The following TMEM132D variants were observed in gnomAD, a reference collection of about 807,000 sequenced individuals.
TMEM132D encodes mature OL transmembrane protein.
Under a neutral mutation model 62.3 loss-of-function variants are expected in TMEM132D, and 21 were observed. The ratio of observed to expected loss-of-function variants is 0.34; its 90% CI spans 0.24 to 0.49. The LOEUF (loss-of-function observed/expected upper bound fraction) is 0.49. TMEM132D is among the 20% of genes least tolerant of loss of function. The probability of loss-of-function intolerance (pLI) is 0.99; values close to 1 mark genes in which losing one functional copy is unlikely to be tolerated. For missense variants in TMEM132D, 1,346 were observed against 1,402.8 expected, an observed-to-expected ratio of 0.96 and a Z score of 0.65; for synonymous variants, 621 against 575.6, an observed-to-expected ratio of 1.08 and a Z score of -1.13.
chr12:129,095,904 A>G (rs150807862), intron 5 of TMEM132D, among the ~76,000 whole-genome samples: 89 of 152,228 alleles, frequency 5.8e-4, no homozygotes, highest in Admixed American at 2.8e-3. Context: ...ACTGCAATCA[A>G]CTGTGCAGAT....
intron 5 of TMEM132D, among the ~76,000 whole-genome samples, chr12:129,128,764 T>C (rs557674888): frequency 3.6e-4 from 55 of 151,838 alleles, no homozygotes; most frequent in African/African-American, 1.3e-3. Context: ...GCCCCCACCC[T>C]TGGGAGTCTC....
intron 5 of TMEM132D, among the ~76,000 whole-genome samples, chr12:129,130,049 GTGTGTTTA>G (rs1325176140): frequency 6.6e-6 from 1 of 150,970 alleles, no homozygotes; most frequent in African/African-American, 2.5e-5. Context: ...GTGTGTGTGT[GTGTGTTTA>G]TTTATGCAGT....
rs577307939 is a variant in TMEM132D, at chr12:129,116,526, C to T, written c.1444-31824G>A. 2.6e-5 allele frequency among the ~76,000 whole-genome samples: 4 copies of T among 152,008 alleles called. No individual in the cohort carries two copies. The East Asian group carries it at 7.7e-4, about 29-fold the overall frequency. ...AAAAAAAACTAGTATAGAAAACATA[C>T]AAAAATTCTTAAAACTCAACAATAA... On this transcript the variant is annotated intron_variant, in intron 5 of 8. Transcript: ENST00000422113.
chr12:129,130,839 C>T (rs1876354476), intron 5 of TMEM132D, among the ~76,000 whole-genome samples: 1 of 152,166 alleles, frequency 6.6e-6, no homozygotes, highest in East Asian at 1.9e-4. Flanking sequence ...CCAATGCATG[C>T]TTCGATGCTG....
At chr12:129,518,164 G>C (rs1492569) in intron 3 of TMEM132D, among the ~76,000 whole-genome samples, 146,902 of 152,278 alleles carry the variant, frequency 0.96, 71,053 homozygotes, top group East Asian at 1. Context: ...CAATTTCATA[G>C]TTGAAGGAAA....
At chr12:129,460,820 A>G (rs1043908690) in intron 3 of TMEM132D, among the ~76,000 whole-genome samples, 14 of 152,182 alleles carry the variant, frequency 9.2e-5, no homozygotes, top group African/African-American at 3.4e-4. Flanking sequence ...GGGATCATCA[A>G]GAACTTTTTT....
chr12:129,401,349 T>C (rs890385117), intron 3 of TMEM132D, among the ~76,000 whole-genome samples: 2 of 152,160 alleles, frequency 1.3e-5, no homozygotes, highest in African/African-American at 4.8e-5. Context: ...GAAAGATTGC[T>C]TGAGGCCAGG....
At chr12:129,685,393 C>T (rs755403242) in intron 2 of TMEM132D, among the ~76,000 whole-genome samples, 132 of 152,240 alleles carry the variant, frequency 8.7e-4, no homozygotes, top group Non-Finnish European at 1.6e-3. Context: ...CAGGCCATGG[C>T]TTCAGATGGT....
chr12:129,633,126 C>T (rs971039524), intron 2 of TMEM132D, among the ~76,000 whole-genome samples: 36 of 152,232 alleles, frequency 2.4e-4, no homozygotes, highest in African/African-American at 7.0e-4. Context: ...TCCACTTTAC[C>T]GTCGCATTAC....
At chr12:129,385,094 T>C (rs1235922729) in intron 3 of TMEM132D, among the ~76,000 whole-genome samples, 16 of 138,580 alleles carry the variant, frequency 1.2e-4, no homozygotes, top group African/African-American at 3.1e-4. Flanking sequence ...TCTTTTTTTT[T>C]TTTTTTTTTT....
At chr12:129,120,424 G>A (rs1390257453) in intron 5 of TMEM132D, among the ~76,000 whole-genome samples, 1 of 152,160 alleles carries the variant, frequency 6.6e-6, no homozygotes, top group Non-Finnish European at 1.5e-5. Context: ...TTCTTACTGG[G>A]AAAGTGTAAG....
At chr12:129,242,935 A>T (rs1391791015) in intron 4 of TMEM132D, among the ~76,000 whole-genome samples, 1 of 152,188 alleles carries the variant, frequency 6.6e-6, no homozygotes, top group African/African-American at 2.4e-5. Context: ...GAGAGGCAGT[A>T]TTTCTAAGCC....
At chr12:129,138,170 C>T (rs10734968) in intron 5 of TMEM132D, among the ~76,000 whole-genome samples, 49,643 of 151,856 alleles carry the variant, frequency 0.33, 8,476 homozygotes, top group East Asian at 0.62. Flanking sequence ...CTTACCATTG[C>T]CTTGCAGAAA....
At chr12:129,344,671 C>G (rs574720399) in intron 3 of TMEM132D, among the ~76,000 whole-genome samples, 9 of 152,278 alleles carry the variant, frequency 5.9e-5, no homozygotes, top group African/African-American at 1.7e-4. Context: ...GCACCGCAGG[C>G]TCTGCTCTTC....
intron 5 of TMEM132D, among the ~76,000 whole-genome samples, chr12:129,178,720 T>C (rs74922890): frequency 0.015 from 2,340 of 152,292 alleles, 33 homozygotes; most frequent in Non-Finnish European, 0.023. Flanking sequence ...TGTAGTAATA[T>C]GATGTGGTCA....
intron 4 of TMEM132D, among the ~76,000 whole-genome samples, chr12:129,300,468 T>C (rs1460517046): frequency 6.6e-6 from 1 of 152,080 alleles, no homozygotes; most frequent in African/African-American, 2.4e-5. Flanking sequence ...CCTGTTAAGG[T>C]TTTTGCTATG....
At chr12:129,125,497 TGA>T (rs1307420151) in intron 5 of TMEM132D, among the ~76,000 whole-genome samples, 8 of 123,900 alleles carry the variant, frequency 6.5e-5, no homozygotes, top group Non-Finnish European at 1.2e-4. Context: ...CGAATTACTA[TGA>T]GTTTTTTTTT....
Position 129,830,112 on chromosome 12 carries a change from A to G in TMEM132D, c.79+73149T>C, listed in dbSNP as rs965607760. Among the ~76,000 whole-genome samples, 5 of 152,320 alleles carry G rather than the reference A, an allele frequency of 3.3e-5. No homozygotes were observed. The East Asian group carries it at 9.7e-4, about 29-fold the overall frequency. ...CCCACACCTGCATCCTCCAACTGCAAATTAAGGCTGATGGCAATATCTACT... is the reference window on the plus strand; with the variant it reads ...CCCACACCTGCATCCTCCAACTGCAGATTAAGGCTGATGGCAATATCTACT... On this transcript the variant is annotated intron_variant, in intron 1 of 8. Coordinates refer to ENST00000422113, the MANE Select transcript of TMEM132D (RefSeq NM_133448.3).
intron 2 of TMEM132D, among the ~76,000 whole-genome samples, chr12:129,664,201 C>A (rs1032920180): frequency 2.6e-5 from 4 of 152,154 alleles, no homozygotes; most frequent in African/African-American, 7.2e-5. Flanking sequence ...GTTGTGATTG[C>A]GGAGCACAGC....
Sources: gnomAD v4.1 joint callset for allele counts (sites outside exome capture counted in the v4.1 genomes callset) on GRCh38, gnomAD v4.1.1 for gene constraint, MANE v1.5 for transcripts, NCBI Gene and HGNC (gene_info 2026-07-23, HGNC 2026-07-21) for gene names.